Variants in NTRK3 observed in about 807,000 individuals in gnomAD.
NTRK3 encodes the protein NT-3 growth factor receptor.
Under a neutral mutation model 91.7 loss-of-function variants are expected in NTRK3, and 24 were observed. The ratio of observed to expected loss-of-function variants is 0.26; its 90% CI spans 0.19 to 0.37. The LOEUF (loss-of-function observed/expected upper bound fraction) is 0.37, where lower values mean the gene tolerates loss of function less well. Ranked by LOEUF, NTRK3 falls within the 10% of genes least tolerant of loss-of-function variation. NTRK3 has a pLI of 1.00. For missense variants in NTRK3, 880 were observed against 1,068.9 expected, an observed-to-expected ratio of 0.82 and a Z score of 2.46; for synonymous variants, 483 against 404.0, an observed-to-expected ratio of 1.20 and a Z score of -2.34.
intron 14 of NTRK3, among the ~76,000 whole-genome samples, chr15:88,024,480 G>C (rs1486934391): frequency 1.3e-5 from 2 of 152,158 alleles, no homozygotes; most frequent in Admixed American, 1.3e-4. Flanking sequence ...GAGTAAAAGA[G>C]AAAAGGAAGT....
At chr15:88,245,013 T>C (rs920040736) in intron 3 of NTRK3, among the ~76,000 whole-genome samples, 5 of 152,220 alleles carry the variant, frequency 3.3e-5, no homozygotes, top group Non-Finnish European at 7.3e-5. Flanking sequence ...TGGGACACTC[T>C]GACACTTGGT....
intron 17 of NTRK3, among the ~76,000 whole-genome samples, chr15:87,900,778 G>A (rs948785206): frequency 6.6e-6 from 1 of 150,454 alleles, no homozygotes; most frequent in Non-Finnish European, 1.5e-5. Flanking sequence ...GGAGCTCCAC[G>A]GCCCTGCCTT....
chr15:87,998,522 C>G (rs868562132), intron 14 of NTRK3, among the ~76,000 whole-genome samples: 8 of 152,236 alleles, frequency 5.3e-5, no homozygotes, highest in Admixed American at 1.3e-4. Flanking sequence ...CTCGTGCAAA[C>G]AAGTCACATT....
At chr15:88,089,195 A>T (rs1001324004) in intron 13 of NTRK3, among the ~76,000 whole-genome samples, 3 of 152,180 alleles carry the variant, frequency 2.0e-5, no homozygotes, top group African/African-American at 7.2e-5. Context: ...ACATGCCTGC[A>T]TTCAAATCCT....
At chr15:88,012,445 G>A (rs1014254661) in intron 14 of NTRK3, among the ~76,000 whole-genome samples, 3 of 152,142 alleles carry the variant, frequency 2.0e-5, no homozygotes, top group Non-Finnish European at 4.4e-5. Flanking sequence ...CCCGAGCTTT[G>A]GCAAACTTGC....
intron 13 of NTRK3, chr15:88,098,683 A>G: frequency 4.3e-6 from 1 of 232,072 alleles, no homozygotes; most frequent in Non-Finnish European, 8.5e-6. Context: ...TGTAAACAGA[A>G]CATTAATTCA....
chr15:88,039,636 T>G (rs528006143), intron 13 of NTRK3, among the ~76,000 whole-genome samples: 1 of 152,356 alleles, frequency 6.6e-6, no homozygotes, highest in South Asian at 2.1e-4. Context: ...GGTTCCCAGA[T>G]GTTTGAAATG....
intron 5 of NTRK3, among the ~76,000 whole-genome samples, chr15:88,163,397 T>C (rs979261437): frequency 5.9e-5 from 9 of 152,182 alleles, no homozygotes. Flanking sequence ...TACTGATATA[T>C]CCCTCCTCTG....
At chr15:88,171,905 A>T (rs76451000) in intron 5 of NTRK3, among the ~76,000 whole-genome samples, 1,603 of 152,378 alleles carry the variant, frequency 0.011, 34 homozygotes, top group African/African-American at 0.036. Flanking sequence ...CTTTGCCCCC[A>T]TGGGGCGTAC....
intron 5 of NTRK3, among the ~76,000 whole-genome samples, chr15:88,177,856 T>C (rs1168384564): frequency 6.6e-6 from 1 of 152,240 alleles, no homozygotes; most frequent in Non-Finnish European, 1.5e-5. Context: ...TCTTTCATAG[T>C]ACATTGTCTT....
At chr15:88,227,200 C>A (rs1173394696) in intron 3 of NTRK3, among the ~76,000 whole-genome samples, 1 of 152,144 alleles carries the variant, frequency 6.6e-6, no homozygotes, top group Admixed American at 6.5e-5. Context: ...CTCCTTCAGG[C>A]TCTCCCATCC....
chr15:88,073,129 G>C (rs372590069), intron 13 of NTRK3, among the ~76,000 whole-genome samples: 2 of 152,270 alleles, frequency 1.3e-5, no homozygotes, highest in African/African-American at 4.8e-5. Flanking sequence ...GGTTCTCAAA[G>C]CCTGGTTCTC....
chr15:88,101,353 A>C (rs1198926267), intron 13 of NTRK3, among the ~76,000 whole-genome samples: 2 of 152,246 alleles, frequency 1.3e-5, no homozygotes, highest in African/African-American at 4.8e-5. Flanking sequence ...TGATCATTAA[A>C]AAGTCAGGAA....
intron 13 of NTRK3, among the ~76,000 whole-genome samples, chr15:88,053,551 T>C (rs190980568): frequency 1.1e-4 from 16 of 152,316 alleles, no homozygotes; most frequent in African/African-American, 3.6e-4. Flanking sequence ...CATAGGTACG[T>C]TGGTCAGGGG....
chr15:87,862,015 A>G (rs1304586227), exon 19 of NTRK3: 1 of 213,262 alleles, frequency 4.7e-6, no homozygotes. Flanking sequence ...TCCTTTCTGT[A>G]CATATTATTT....
intron 13 of NTRK3, among the ~76,000 whole-genome samples, chr15:88,059,270 G>A (rs1027766525): frequency 2.8e-4 from 43 of 152,186 alleles, no homozygotes; most frequent in East Asian, 1.5e-3. Context: ...CAGTCCCTTC[G>A]GTGCCAGCTA....
intron 3 of NTRK3, among the ~76,000 whole-genome samples, chr15:88,206,505 A>C (rs1163169461): frequency 6.8e-6 from 1 of 146,866 alleles, no homozygotes; most frequent in Non-Finnish European, 1.5e-5. Context: ...AAAAATACAA[A>C]AAATTAGCCG....
At chr15:87,949,401 T>C (rs2070883205) in intron 14 of NTRK3, among the ~76,000 whole-genome samples, 1 of 151,966 alleles carries the variant, frequency 6.6e-6, no homozygotes, top group African/African-American at 2.4e-5. Context: ...CAGGTCCCAC[T>C]CTGGGGCACG....
chr15:88,166,480 G>A (rs2044963152), intron 5 of NTRK3, among the ~76,000 whole-genome samples: 3 of 152,128 alleles, frequency 2.0e-5, no homozygotes, highest in Admixed American at 2.0e-4. Flanking sequence ...CTAGGGCCTG[G>A]GCGCTTCTCT....
Sources: gnomAD v4.1 joint callset for allele counts (sites outside exome capture counted in the v4.1 genomes callset) on GRCh38, gnomAD v4.1.1 for gene constraint, MANE v1.5 for transcripts, NCBI Gene and HGNC (gene_info 2026-07-23, HGNC 2026-07-21) for gene names.